Variants in PARVB observed in about 807,000 individuals in gnomAD.
The protein encoded by PARVB is beta-parvin.
Under a neutral mutation model 47.0 loss-of-function variants are expected in PARVB, and 46 were observed. That is an observed-to-expected ratio of 0.98 (90% CI 0.77 to 1.25). The LOEUF (loss-of-function observed/expected upper bound fraction) is 1.25. Ranked by LOEUF, PARVB falls within the 50% of genes most tolerant of loss-of-function variation. The pLI is 0.00. For synonymous variants in PARVB, 196 were observed against 196.3 expected, an observed-to-expected ratio of 1.00 and a Z score of 0.01; for missense variants, 473 against 471.6, an observed-to-expected ratio of 1.00 and a Z score of -0.03.
rs959620356 is a variant in PARVB, at chr22:44,106,138, G to GTTTT, written c.273+6039_273+6042dup. Reference sequence around the variant, plus strand: ...AGCCATTGCATGCCCAGCCAGATGTGTTTTTTTTTTTTTTTTTTTTTTTTT... The same window carrying GTTTT: ...AGCCATTGCATGCCCAGCCAGATGTGTTTTTTTTTTTTTTTTTTTTTTTTTTTTT... On this transcript the variant is annotated intron_variant, in intron 3 of 12. Transcript: ENST00000338758. 50 of 69,352 alleles carry GTTTT rather than the reference G, an allele frequency of 7.2e-4. 4 individuals carry two copies. Among genetic ancestry groups the GTTTT allele is most frequent in the African/African-American group, 2.5e-3 (38 of 14,936 alleles). 4.3% of individuals were successfully genotyped at this position (69,352 alleles called of 1,614,324 possible).
intron 2 of PARVB, among the ~76,000 whole-genome samples, chr22:44,006,066 T>G (rs991896160): frequency 3.3e-5 from 5 of 152,166 alleles, no homozygotes; most frequent in Non-Finnish European, 5.9e-5. Flanking sequence ...CCTCAGTCTC[T>G]GGAATAGCTG....
chr22:44,119,884 G>T (rs1435650818), intron 4 of PARVB: 1 of 527,512 alleles, frequency 1.9e-6, no homozygotes, highest in South Asian at 1.4e-5. Flanking sequence ...CGGCCTTGCA[G>T]CTCATATGGA....
chr22:44,136,473 T>G lies in PARVB; in HGVS notation c.647T>G (p.Leu216Arg), dbSNP rs1373212932. Reference sequence around the variant, plus strand: ...TGGGGTTTTCAGAAACGGGAAGGCCTGCTGCATTCCAGCCACATCTCGGAG... The same window carrying G: ...TGGGGTTTTCAGAAACGGGAAGGCCGGCTGCATTCCAGCCACATCTCGGAG... Reference protein sequence around the residue: ...QVVVVRKREGLLHSSHISEEL... With the variant: ...QVVVVRKREGRLHSSHISEEL... The change falls in exon 7 of 13, where the codon CTG (leucine) becomes CGG (arginine). Residue 216 changes from leucine (L) to arginine (R), a missense_variant. Coordinates refer to ENST00000338758, the MANE Select transcript of PARVB (RefSeq NM_013327.5). 1 of 1,613,986 alleles carries G rather than the reference T, an allele frequency of 6.2e-7. No individual in the cohort carries two copies.
intron 4 of PARVB, among the ~76,000 whole-genome samples, chr22:44,124,829 G>A (rs1000127948): frequency 6.6e-6 from 1 of 152,208 alleles, no homozygotes; most frequent in African/African-American, 2.4e-5. Context: ...ATCTGCTGCA[G>A]GGGATACGTG....
Position 44,119,027 on chromosome 22 carries a change from G to A in PARVB, c.274-11G>A, listed in dbSNP as rs374303785. 110 of 1,599,806 alleles carry A rather than the reference G, an allele frequency of 6.9e-5. No homozygotes were observed. Among genetic ancestry groups the A allele is most frequent in the Middle Eastern group, 5.0e-4 (3 of 6,016 alleles). On this transcript the variant is annotated splice_polypyrimidine_tract_variant and intron_variant, in intron 3 of 12. Transcript: ENST00000338758. ...GGTGGACTGAGGCCATAATGCCTGC[G>A]TCTCCTGCAGGTCCTCCTCGACTGG... is the stretch of plus-strand genomic sequence containing the variant.
At chr22:44,156,129 G>A (rs2053927515) in intron 10 of PARVB, among the ~76,000 whole-genome samples, 1 of 151,842 alleles carries the variant, frequency 6.6e-6, no homozygotes, top group East Asian at 1.9e-4. Context: ...TCGCACCACT[G>A]CACTCCAGCA....
chr22:43,999,994 G>A (rs998178968), intron 2 of PARVB, among the ~76,000 whole-genome samples: 2 of 151,940 alleles, frequency 1.3e-5, no homozygotes, highest in African/African-American at 2.4e-5. Context: ...GTGACAGAGC[G>A]AGACCCTGTC....
intron 1 of PARVB, among the ~76,000 whole-genome samples, chr22:44,033,653 T>G (rs1479411756): frequency 6.6e-6 from 1 of 152,244 alleles, no homozygotes; most frequent in Non-Finnish European, 1.5e-5. Flanking sequence ...TCGGTAATGT[T>G]GGTTTCCCCA....
chr22:44,012,873 T>A (rs1445991993), intron 2 of PARVB, among the ~76,000 whole-genome samples: 1 of 149,354 alleles, frequency 6.7e-6, no homozygotes, highest in East Asian at 2.0e-4. Context: ...GAAAGAAAGC[T>A]GACAAGCTTT....
chr22:44,082,557 T>C (rs2051929306), intron 1 of PARVB, among the ~76,000 whole-genome samples: 1 of 152,052 alleles, frequency 6.6e-6, no homozygotes, highest in Admixed American at 6.6e-5. Context: ...AAACAAAAAC[T>C]GACTCATGTG....
At chr22:44,009,374 A>AT (rs1307439146) in intron 2 of PARVB, 1 of 152,148 alleles carries the variant, frequency 6.6e-6, no homozygotes, top group Non-Finnish European at 1.5e-5. Flanking sequence ...CTGAGTATTC[A>AT]TTTTCTCAAT....
At chr22:44,013,077 T>G (rs1031757577) in intron 2 of PARVB, among the ~76,000 whole-genome samples, 1 of 152,008 alleles carries the variant, frequency 6.6e-6, no homozygotes, top group African/African-American at 2.4e-5. Flanking sequence ...TTTTGTAGTT[T>G]TAGTAGATAA....
chr22:44,018,575 G>A (rs994963708), intron 2 of PARVB, among the ~76,000 whole-genome samples: 48 of 152,278 alleles, frequency 3.2e-4, no homozygotes, highest in African/African-American at 1.1e-3. Flanking sequence ...AACTCCAAAT[G>A]TTCATTCCTC....
At chr22:44,132,250 C>T (rs1000594313) in intron 5 of PARVB, among the ~76,000 whole-genome samples, 5 of 152,198 alleles carry the variant, frequency 3.3e-5, no homozygotes, top group African/African-American at 9.6e-5. Context: ...CCTGGCCTTG[C>T]ACCCGGTTTC....
At chr22:44,054,103 G>T (rs549952406) in intron 1 of PARVB, among the ~76,000 whole-genome samples, 2 of 152,322 alleles carry the variant, frequency 1.3e-5, no homozygotes, top group African/African-American at 4.8e-5. Flanking sequence ...CCTCCAAGGT[G>T]TGGGGGCCCC....
chr22:44,021,671 T>C (rs1353162073), upstream of PARVB, among the ~76,000 whole-genome samples: 1 of 151,854 alleles, frequency 6.6e-6, no homozygotes, highest in Non-Finnish European at 1.5e-5. Context: ...TATCATCATC[T>C]CACAGGGTCT....
chr22:44,103,096 C>G lies in PARVB; in HGVS notation c.273+2973C>G, dbSNP rs963776415. ...ACCCCTGCCTTTGCTGCTTTGCTGC[C>G]AAAGACCCCCAGGCTGTTTTGGCCT... On this transcript the variant is annotated intron_variant, in intron 3 of 12. Transcript: ENST00000338758. This position sits in a 1 kb window ranked among gnomAD's most constrained non-coding sequence, Gnocchi z 4.6. The G allele has an allele frequency of 6.6e-6, 1 of 152,258 alleles. No individual in the cohort carries two copies. The highest frequency in any genetic ancestry group is 2.4e-5 in the African/African-American group (1 of 41,426). 9.4% of individuals were successfully genotyped at this position (152,258 alleles called of 1,614,324 possible). A position where few individuals can be genotyped will look rare whatever the true frequency, so the allele number is the denominator to read the frequency against.
intron 1 of PARVB, among the ~76,000 whole-genome samples, chr22:44,088,768 G>A (rs925211449): frequency 1.2e-4 from 18 of 152,104 alleles, no homozygotes; most frequent in African/African-American, 4.1e-4. Context: ...CACCGTGCCC[G>A]GCCTCCCTCA....
chr22:44,049,291 G>A lies in PARVB; in HGVS notation c.112+24840G>A, dbSNP rs2051166595. ...GGTGTCAGAATGAACAATACCCATA[G>A]TGCTTGGCGTAGACAATCAGCAAAG... On this transcript the variant is annotated intron_variant, in intron 1 of 12. Coordinates refer to ENST00000338758, the MANE Select transcript of PARVB (RefSeq NM_013327.5). The surrounding 1 kb of genome is among the most constrained non-coding windows in gnomAD (Gnocchi z 4.0). Among the ~76,000 whole-genome samples the A allele has an allele frequency of 6.6e-6, 1 of 152,140 alleles. No homozygotes were observed. The highest frequency in any genetic ancestry group is 2.4e-5 in the African/African-American group (1 of 41,440).
Sources: gnomAD v4.1 joint callset for allele counts (sites outside exome capture counted in the v4.1 genomes callset) on GRCh38, gnomAD v4.1.1 for gene constraint, Gnocchi (gnomAD v3.1) non-coding constraint, MANE v1.5 for transcripts, NCBI Gene and HGNC (gene_info 2026-07-23, HGNC 2026-07-21) for gene names.